The following UBE4B variants were observed in gnomAD, a reference collection of about 807,000 sequenced individuals.
UBE4B encodes the protein ubiquitin conjugation factor E4 B.
UBE4B carries 27 observed loss-of-function variants against 148.1 expected under a neutral mutation model. That is an observed-to-expected ratio of 0.18 (90% confidence interval 0.13 to 0.25). The LOEUF (loss-of-function observed/expected upper bound fraction) is 0.25. UBE4B is among the 10% of genes least tolerant of loss of function. The probability of loss-of-function intolerance (pLI) is 1.00; values close to 1 mark genes in which losing one functional copy is unlikely to be tolerated. For missense variants in UBE4B, 1,170 were observed against 1,662.4 expected (o/e 0.70, Z 5.15); for synonymous variants, 596 against 619.3 (o/e 0.96, Z 0.56).
At chr1:10,162,312 T>C (rs891171878) in intron 23 of UBE4B, among the ~76,000 whole-genome samples, 1 of 152,174 alleles carries the variant, frequency 6.6e-6, no homozygotes, top group Non-Finnish European at 1.5e-5. Context: ...TAGTTGGGAC[T>C]ACAGGCACCT....
chr1:10,177,417 G>C (rs1646444251), intron 25 of UBE4B, among the ~76,000 whole-genome samples: 1 of 152,150 alleles, frequency 6.6e-6, no homozygotes, highest in Admixed American at 6.5e-5. Flanking sequence ...AGCTACTCAG[G>C]AGGTGGAGGC....
intron 19 of UBE4B, among the ~76,000 whole-genome samples, chr1:10,148,595 G>T (rs1645917611): frequency 6.7e-6 from 1 of 148,552 alleles, no homozygotes; most frequent in South Asian, 2.1e-4. Context: ...TCACGCCACT[G>T]TACTCCAGCC....
At chr1:10,062,768 C>A (rs1382188339) in intron 1 of UBE4B, among the ~76,000 whole-genome samples, 2 of 151,982 alleles carry the variant, frequency 1.3e-5, no homozygotes, top group East Asian at 3.9e-4. Context: ...ACCAGCCTGA[C>A]CAACATGGCC....
intron 23 of UBE4B, among the ~76,000 whole-genome samples, chr1:10,163,870 G>A (rs1273314908): frequency 6.6e-6 from 1 of 151,084 alleles, no homozygotes; most frequent in Non-Finnish European, 1.5e-5. Context: ...GGGATTACAG[G>A]CGTGCACCAC....
chr1:10,041,335 C>CTT (rs573440480), intron 1 of UBE4B, among the ~76,000 whole-genome samples: 5,241 of 132,064 alleles, frequency 0.04, 167 homozygotes, highest in African/African-American at 0.086. Flanking sequence ...TTTTGGCATT[C>CTT]TTTTTTTTTT....
At chr1:10,048,947 A>G (rs531245856) in intron 1 of UBE4B, among the ~76,000 whole-genome samples, 10 of 152,268 alleles carry the variant, frequency 6.6e-5, no homozygotes, top group Admixed American at 3.3e-4. Flanking sequence ...TTCTTTATTC[A>G]TTCAACACTC....
intron 1 of UBE4B, among the ~76,000 whole-genome samples, chr1:10,036,262 T>C (rs1180875063): frequency 2.6e-5 from 4 of 152,222 alleles, no homozygotes; most frequent in African/African-American, 9.6e-5. Flanking sequence ...TGTAACTTTT[T>C]TTTGTGACCA....
intron 25 of UBE4B, among the ~76,000 whole-genome samples, chr1:10,174,946 G>C (rs774331585): frequency 5.3e-5 from 8 of 152,088 alleles, no homozygotes; most frequent in Non-Finnish European, 1.0e-4. Context: ...ATCTTAGTTT[G>C]CTTTGGTATG....
intron 3 of UBE4B, among the ~76,000 whole-genome samples, chr1:10,100,623 C>T (rs947181493): frequency 1.3e-5 from 2 of 152,182 alleles, no homozygotes; most frequent in Non-Finnish European, 2.9e-5. Context: ...GGTGCGATCT[C>T]GGCTTACCGC....
At chr1:10,151,229 C>T in intron 20 of UBE4B, 97 bp from the exon 21 acceptor site, 4 of 1,109,700 alleles carry the variant, frequency 3.6e-6, no homozygotes, top group Non-Finnish European at 5.3e-6. Flanking sequence ...CTTATCCTGC[C>T]TTCCCCTCCT....
Position 10,118,178 on chromosome 1 carries a change from T to C in UBE4B, c.1338+578T>C, listed in dbSNP as rs1486513717. 2.6e-5 allele frequency among the ~76,000 whole-genome samples: 4 copies of C among 152,210 alleles called. No individual in the cohort carries two copies. In the East Asian group the frequency reaches 5.8e-4, roughly 22 times the overall value. On this transcript the variant is annotated intron_variant, in intron 8 of 27. Coordinates refer to ENST00000343090, the MANE Select transcript of UBE4B (RefSeq NM_001105562.3). ...ACTTCTCTTGACTGGCTTCATTGTT[T>C]TCTCATTTTATTCCTATTTCATTTT...
chr1:10,103,029 C>A lies in UBE4B; in HGVS notation c.517C>A (p.Arg173=). Reference sequence around the variant, plus strand: ...GATCTTCCGTGTCTCTTGGAAGGACCGGGACAGAGATGTCATCTTTCTTTC... The same window carrying A: ...GATCTTCCGTGTCTCTTGGAAGGACAGGGACAGAGATGTCATCTTTCTTTC... ...CKIFRVSWKD[R]DRDVIFLSSL... is the part of the protein sequence containing the mutation. Residue 173 remains arginine (R), a synonymous_variant, in exon 5 of 28, where the codon CGG becomes AGG. Coordinates refer to ENST00000343090, the MANE Select transcript of UBE4B (RefSeq NM_001105562.3). The A allele has an allele frequency of 6.2e-7, 1 of 1,613,338 alleles. No homozygotes were observed. Among genetic ancestry groups the A allele is most frequent in the Non-Finnish European group, 8.5e-7 (1 of 1,179,740 alleles).
At chr1:10,166,973 A>C (rs199899474) in intron 23 of UBE4B, among the ~76,000 whole-genome samples, 6,573 of 112,010 alleles carry the variant, frequency 0.059, 358 homozygotes, top group East Asian at 0.19. Context: ...ACACACACAA[A>C]AAAAAAAAAT....
At chr1:10,102,881 T>C in intron 4 of UBE4B, 67 bp from the exon 5 acceptor site, 1 of 1,477,622 alleles carries the variant, frequency 6.8e-7, no homozygotes. Flanking sequence ...GAATAACGTA[T>C]TCCTATTGAA....
intron 21 of UBE4B, among the ~76,000 whole-genome samples, chr1:10,152,025 G>A (rs188143017): frequency 6.8e-4 from 104 of 152,024 alleles, no homozygotes; most frequent in African/African-American, 2.0e-3. Flanking sequence ...TTGGGAGGCC[G>A]AGGCGGGCGG....
rs12217086 is a variant in UBE4B, at chr1:10,176,825, G to A, written c.3526-1819G>A. Among the ~76,000 whole-genome samples the A allele has an allele frequency of 1.3e-3, 156 of 116,098 alleles. 4 individuals are homozygous for A. The East Asian group carries it at 0.034, about 25-fold the overall frequency. 76.2% of individuals were successfully genotyped at this position (116,098 alleles called of 152,430 possible). ...TTTTGAGATGGAGTCTCCCTCTGTT[G>A]CCCAGGCTGGAGTGCAGTGGTGCGA... On this transcript the variant is annotated intron_variant, in intron 25 of 27. Coordinates refer to ENST00000343090, the MANE Select transcript of UBE4B (RefSeq NM_001105562.3).
At chr1:10,150,932 C>T (rs10864446) in intron 20 of UBE4B, among the ~76,000 whole-genome samples, 44,580 of 147,950 alleles carry the variant, frequency 0.3, 12,229 homozygotes, top group African/African-American at 0.74. Context: ...GAGGTCGAGG[C>T]GGGCGGATCA....
At chr1:10,079,630 T>C (rs1483974858) in intron 2 of UBE4B, among the ~76,000 whole-genome samples, 1 of 152,208 alleles carries the variant, frequency 6.6e-6, no homozygotes, top group Non-Finnish European at 1.5e-5. Flanking sequence ...CCTTGACATC[T>C]GTTTCCATCT....
chr1:10,082,684 G>C (rs1644702194), intron 2 of UBE4B, among the ~76,000 whole-genome samples: 1 of 136,046 alleles, frequency 7.4e-6, no homozygotes, highest in Admixed American at 8.1e-5. Flanking sequence ...TACATGTGCA[G>C]AACGTGCAGG....
Sources: allele counts gnomAD v4.1 joint callset (sites outside exome capture counted in the v4.1 genomes callset), GRCh38; gene constraint gnomAD v4.1.1; transcripts MANE v1.5; gene names NCBI Gene and HGNC (gene_info 2026-07-23, HGNC 2026-07-21).